The following KATNAL2 variants were observed in gnomAD, a reference collection of about 807,000 sequenced individuals.
The protein encoded by KATNAL2 is katanin catalytic subunit A1 like 2, also known as katanin p60 ATPase-containing subunit A-like 2.
KATNAL2 carries 52 observed loss-of-function variants against 76.3 expected under a neutral mutation model. That is an observed-to-expected ratio of 0.68 (90% CI 0.55 to 0.86). The LOEUF (loss-of-function observed/expected upper bound fraction) is 0.86, where lower values mean the gene tolerates loss of function less well. KATNAL2 is among the 40% of genes least tolerant of loss of function. The pLI, the probability that KATNAL2 is intolerant of heterozygous loss-of-function variation, is 0.00. For missense variants in KATNAL2, 660 were observed against 668.9 expected (o/e 0.99, Z 0.15); for synonymous variants, 243 against 244.2 (o/e 1.00, Z 0.05).
chr18:47,100,132 T>C, intron 16 of KATNAL2, 122 bp from the exon 17 acceptor site: 1 of 649,642 alleles, frequency 1.5e-6, no homozygotes, highest in Non-Finnish European at 2.7e-6. Context: ...CTTTTTAGGA[T>C]GTTCATGGGT....
chr18:47,075,338 C>A lies in KATNAL2; in HGVS notation c.1070C>A (p.Ser357Ter), dbSNP rs772123293. The change falls in exon 14 of 18, where the codon TCG (serine) becomes TAG (stop). Residue 357 changes from serine to a stop codon, truncating the protein, a stop_gained. Coordinates refer to ENST00000683218, the MANE Select transcript of KATNAL2 (RefSeq NM_001387690.1). LOFTEE classifies it high-confidence loss of function. Reference sequence around the variant, plus strand: ...ACGATCTTCCTGGACGAGCTGGAGTCGGTGATGAGTCAGAGAGGCACAGCT... The same window carrying A: ...ACGATCTTCCTGGACGAGCTGGAGTAGGTGATGAGTCAGAGAGGCACAGCT... ...PSTIFLDELE[S>*]VMSQRGTASG... The A allele has an allele frequency of 6.4e-7, 1 of 1,553,712 alleles. No individual in the cohort carries two copies. Among genetic ancestry groups the A allele is most frequent in the South Asian group, 1.2e-5 (1 of 80,658 alleles).
intron 3 of KATNAL2, among the ~76,000 whole-genome samples, chr18:46,955,379 G>A (rs1044335355): frequency 6.6e-6 from 1 of 151,320 alleles, no homozygotes; most frequent in African/African-American, 2.4e-5. Context: ...ACCACGCCTG[G>A]CTAATTTTGT....
intron 15 of KATNAL2, among the ~76,000 whole-genome samples, chr18:47,095,002 C>A (rs895408242): frequency 6.6e-6 from 1 of 152,164 alleles, no homozygotes; most frequent in Non-Finnish European, 1.5e-5. Flanking sequence ...ACTGCCAAGT[C>A]TCTTGGGGAT....
At chr18:47,038,053 A>G (rs1269868056) in intron 3 of KATNAL2, among the ~76,000 whole-genome samples, 1 of 152,204 alleles carries the variant, frequency 6.6e-6, no homozygotes, top group Non-Finnish European at 1.5e-5. Context: ...AATCCCCATT[A>G]TAGACATCGA....
chr18:46,933,927 T>C (rs2059012127), intron 1 of KATNAL2, among the ~76,000 whole-genome samples: 1 of 150,032 alleles, frequency 6.7e-6, no homozygotes, highest in Admixed American at 6.7e-5. Context: ...GATAGTTTGC[T>C]GAGAATGATG....
intron 8 of KATNAL2, among the ~76,000 whole-genome samples, chr18:47,061,908 G>A (rs1379131219): frequency 6.6e-6 from 1 of 151,770 alleles, no homozygotes; most frequent in Non-Finnish European, 1.5e-5. Flanking sequence ...CCTACCTCTA[G>A]GGGGGACAGG....
intron 3 of KATNAL2, among the ~76,000 whole-genome samples, chr18:47,040,954 G>T (rs934959965): frequency 6.6e-6 from 1 of 152,030 alleles, no homozygotes; most frequent in African/African-American, 2.4e-5. Context: ...TTTGAGCAAT[G>T]GAATAAGAAC....
At chr18:47,058,652 G>A (rs2061540121) in intron 7 of KATNAL2, among the ~76,000 whole-genome samples, 1 of 151,370 alleles carries the variant, frequency 6.6e-6, no homozygotes, top group Admixed American at 6.6e-5. Flanking sequence ...GGAAGGCCTG[G>A]TTGCCTTGAT....
intron 3 of KATNAL2, among the ~76,000 whole-genome samples, chr18:46,966,629 T>A (rs1468432969): frequency 5.5e-4 from 19 of 34,824 alleles, no homozygotes; most frequent in Non-Finnish European, 8.5e-4. Flanking sequence ...GTGGATTTGG[T>A]TCCGAGGGGC....
Position 46,951,752 on chromosome 18 carries a change from A to C in KATNAL2, c.51+4829A>C, listed in dbSNP as rs138017877. 3.4e-3 allele frequency among the ~76,000 whole-genome samples: 525 copies of C among 152,230 alleles called. 1 individual carries two copies. The highest frequency in any genetic ancestry group is 0.01 in the African/African-American group (425 of 41,526). On this transcript the variant is annotated intron_variant, in intron 3 of 17. Coordinates refer to ENST00000683218, the MANE Select transcript of KATNAL2 (RefSeq NM_001387690.1). ...CTAGGTTGGGACTGATTTCATCTCA[A>C]TGGAGAAGGCATTGCTCCATTACTT...
At chr18:47,032,479 C>G (rs1024362208) in intron 3 of KATNAL2, 2 of 177,012 alleles carry the variant, frequency 1.1e-5, no homozygotes, top group Admixed American at 5.4e-5. Context: ...ACCTACTAGG[C>G]TCAAGCGAAC....
intron 1 of KATNAL2, among the ~76,000 whole-genome samples, chr18:46,935,088 A>G (rs141241812): frequency 6.6e-6 from 1 of 152,334 alleles, no homozygotes; most frequent in African/African-American, 2.4e-5. Context: ...ATGTCAAACA[A>G]AAGGAAACCT....
chr18:46,923,205 C>A (rs2058624891), intron 1 of KATNAL2, among the ~76,000 whole-genome samples: 1 of 88,804 alleles, frequency 1.1e-5, no homozygotes. Flanking sequence ...CTAATGCTAT[C>A]CCTCCCCCCT....
chr18:47,082,796 C>T (rs1368776158), intron 15 of KATNAL2, among the ~76,000 whole-genome samples: 3 of 152,062 alleles, frequency 2.0e-5, no homozygotes, highest in Non-Finnish European at 4.4e-5. Flanking sequence ...GGGGTAGGTT[C>T]CTTGAAGTAG....
At chr18:47,085,510 C>T (rs1334743894) in intron 15 of KATNAL2, among the ~76,000 whole-genome samples, 1 of 152,160 alleles carries the variant, frequency 6.6e-6, no homozygotes, top group African/African-American at 2.4e-5. Flanking sequence ...CTGGAGATAA[C>T]ATCACTATTG....
At position 46,950,309 on chromosome 18, in the gene KATNAL2, T is replaced by C. The variant is rs182194350; in HGVS notation, c.51+3386T>C. On this transcript the variant is annotated intron_variant, in intron 3 of 17. Transcript: ENST00000683218. ...TGATGGTTTGATCTCTTGGGGTCTA[T>C]GTGCAAGGAATTGTGCTGAGTAGGG... 9.8e-5 allele frequency among the ~76,000 whole-genome samples: 15 copies of C among 152,302 alleles called. No homozygotes were observed. The East Asian group carries it at 2.7e-3, about 27-fold the overall frequency.
In KATNAL2 at chr18:46,927,983, C is replaced by T. The variant is rs572942443; in HGVS notation, c.-510+10057C>T. On this transcript the variant is annotated intron_variant, in intron 1 of 17. Coordinates refer to ENST00000683218, the MANE Select transcript of KATNAL2 (RefSeq NM_001387690.1). The stretch of plus-strand genomic sequence containing the variant: ...GCATTGGTTATTCTAGTTATCCATT[C>T]GTCTAATTTTTTTTCAAAGCTTTTA... Among the ~76,000 whole-genome samples, 656 of 152,224 alleles carry T rather than the reference C, an allele frequency of 4.3e-3. 3 individuals are homozygous for T. The highest frequency in any genetic ancestry group is 0.014 in the Middle Eastern group (4 of 294).
At chr18:47,055,836 C>G (rs1016735509) in intron 6 of KATNAL2, among the ~76,000 whole-genome samples, 3 of 152,196 alleles carry the variant, frequency 2.0e-5, no homozygotes, top group African/African-American at 7.2e-5. Context: ...AGGCAAGGAG[C>G]ACCGTGGCAC....
intron 3 of KATNAL2, chr18:47,033,500 A>G: frequency 6.2e-7 from 1 of 1,614,156 alleles, no homozygotes; most frequent in Non-Finnish European, 8.5e-7. Flanking sequence ...TCCTGGAAAC[A>G]ATGATTCCTC....
Sources: allele counts gnomAD v4.1 joint callset (sites outside exome capture counted in the v4.1 genomes callset), GRCh38; gene constraint gnomAD v4.1.1; transcripts MANE v1.5; gene names NCBI Gene and HGNC (gene_info 2026-07-23, HGNC 2026-07-21).